Variants in LRIG2 observed in about 807,000 individuals in gnomAD.
LRIG2 encodes leucine rich repeats and immunoglobulin like domains 2, also known as leucine-rich repeats and immunoglobulin-like domains protein 2.
A neutral mutation model predicts 107.8 loss-of-function variants in LRIG2; 93 were observed. The observed-to-expected ratio is 0.86, with a 90% CI of 0.73 to 1.03. LRIG2 has a LOEUF of 1.03. Ranked by LOEUF, LRIG2 falls within the 50% of genes least tolerant of loss-of-function variation. The probability of loss-of-function intolerance (pLI) is 0.00; values close to 1 mark genes in which losing one functional copy is unlikely to be tolerated. For synonymous variants in LRIG2, 471 were observed against 470.6 expected, an observed-to-expected ratio of 1.00 and a Z score of -0.01; for missense variants, 1,226 against 1,296.0, an observed-to-expected ratio of 0.95 and a Z score of 0.83.
rs1654937168 is a variant in LRIG2 at position 113,114,850 on chromosome 1, A to G, written c.2504A>G (p.Asn835Ser). 6.2e-7 allele frequency: 1 copy of G among 1,611,848 alleles called. No individual in the cohort carries two copies. The highest frequency in any genetic ancestry group is 8.5e-7 in the Non-Finnish European group (1 of 1,179,758). The change falls in exon 15 of 18, where the codon AAT (asparagine) becomes AGT (serine). Residue 835 changes from asparagine (N) to serine (S), a missense_variant. Transcript: ENST00000361127. ...GTTATTTACCACATGAGAAGGAAAA[A>G]TGAAGACTATAGTATCACAAACACA... Reference protein sequence around the residue: ...VIVIYHMRRKNEDYSITNTEE... With the variant: ...VIVIYHMRRKSEDYSITNTEE...
At chr1:113,077,134 A>G (rs1014504774) in intron 1 of LRIG2, among the ~76,000 whole-genome samples, 2 of 151,548 alleles carry the variant, frequency 1.3e-5, no homozygotes, top group African/African-American at 4.8e-5. Context: ...TTCACTGTAG[A>G]CTGTTAAATT....
chr1:113,075,193 CAAGAGTGAAACTCTGTCTCAAAAAAAAA>C (rs1652917002), intron 1 of LRIG2, among the ~76,000 whole-genome samples: 1 of 148,136 alleles, frequency 6.8e-6, no homozygotes, highest in Non-Finnish European at 1.5e-5. Context: ...GCCTGGGCAA[CAAGAGTGAAACTCTGTCTCAAAAAAAAA>C]AAGAGTCATC....
Position 113,124,295 on chromosome 1 carries a change from G to T in LRIG2, c.*194G>T, listed in dbSNP as rs962152341. The T allele has an allele frequency of 1.8e-5, 11 of 600,658 alleles. No individual in the cohort carries two copies. The highest frequency in any genetic ancestry group is 3.2e-5 in the Non-Finnish European group (11 of 339,150). 37.2% of individuals were successfully genotyped at this position (600,658 alleles called of 1,614,324 possible). A position where few individuals can be genotyped will look rare whatever the true frequency, so the allele number is the denominator to read the frequency against. ...AGAAATGGCAACAGCTGACAGAAAT[G>T]GGTACAGCTCATCAAAAATGTGCAG... On this transcript the variant is annotated 3_prime_UTR_variant, in exon 18 of 18. Transcript: ENST00000361127.
At chr1:113,101,084 A>G (rs1654288867) in intron 11 of LRIG2, among the ~76,000 whole-genome samples, 1 of 151,926 alleles carries the variant, frequency 6.6e-6, no homozygotes, top group South Asian at 2.1e-4. Flanking sequence ...ATTTTTATAT[A>G]TTTTTGGAGA....
rs1655563049 is a variant in LRIG2 at position 113,128,218 on chromosome 1, CTTT to C, written c.*4120_*4122del. 1 of 152,078 alleles carries C rather than the reference CTTT, an allele frequency of 6.6e-6. No homozygotes were observed. Among genetic ancestry groups the C allele is most frequent in the Non-Finnish European group, 1.5e-5 (1 of 68,016 alleles). 9.4% of individuals were successfully genotyped at this position (152,078 alleles called of 1,614,324 possible). A position where few individuals can be genotyped will look rare whatever the true frequency, so the allele number is the denominator to read the frequency against. ...CTTGAGCTGTTTAGTACTGCCACAC[CTTT>C]TTATGTCTTTACTATGTCAGCCTCT... On this transcript the variant is annotated 3_prime_UTR_variant, in exon 18 of 18. Transcript: ENST00000361127.
rs375232838 is a variant in LRIG2 at position 113,078,381 on chromosome 1, G to A, written c.239+4736G>A. Among the ~76,000 whole-genome samples, 78 of 151,988 alleles carry A rather than the reference G, an allele frequency of 5.1e-4. No individual in the cohort carries two copies. The East Asian group carries it at 9.5e-3, about 18-fold the overall frequency. ...AGTCTCCCAAGTAGCTGGGATTACC[G>A]GTGCCCACCACCACGCCAGGCTAAT... On this transcript the variant is annotated intron_variant, in intron 1 of 17. Coordinates refer to ENST00000361127, the MANE Select transcript of LRIG2 (RefSeq NM_014813.3).
chr1:113,096,162 A>C (rs1654056201), intron 7 of LRIG2, 60 bp from the exon 8 acceptor site: 6 of 1,589,242 alleles, frequency 3.8e-6, no homozygotes, highest in Non-Finnish European at 5.1e-6. Context: ...AGATATAATA[A>C]GAATTGTAAG....
rs1654256699 is a variant in LRIG2, at chr1:113,100,428, A to G, written c.1253A>G (p.Asn418Ser). The change falls in exon 11 of 18, where the codon AAC becomes AGC. Residue 418 changes from asparagine (N) to serine (S), a missense_variant. By Grantham distance (46) the Asn-to-Ser change is conservative. Around this residue, in one of 3 missense-constraint regions of LRIG2, gnomAD observed 570 missense variants for 550.2 expected, o/e 1.04. Transcript: ENST00000361127. ...ATTTCTCTTTATTTCAGAGATTTGA[A>G]CAATAATGCTATAATGTCTATCCAA... ...GLESLEHLDL[N>S]NNAIMSIQEN... The G allele has an allele frequency of 3.9e-6, 6 of 1,531,034 alleles. No individual in the cohort carries two copies. The highest frequency in any genetic ancestry group is 5.4e-6 in the Non-Finnish European group (6 of 1,109,084). 94.8% of individuals were successfully genotyped at this position (1,531,034 alleles called of 1,614,324 possible).
chr1:113,086,734 G>A lies in LRIG2; in HGVS notation c.240-4584G>A, dbSNP rs563129877. On this transcript the variant is annotated intron_variant, in intron 1 of 17. Coordinates refer to ENST00000361127, the MANE Select transcript of LRIG2 (RefSeq NM_014813.3). The stretch of plus-strand genomic sequence containing the variant: ...CACCTCTGGCTCCACATGATATCAA[G>A]GACATTAATAATTCATCATTTATTA... Among the ~76,000 whole-genome samples, 6 of 152,234 alleles carry A rather than the reference G, an allele frequency of 3.9e-5. No individual in the cohort carries two copies. The East Asian group carries it at 7.7e-4, about 20-fold the overall frequency.
intron 13 of LRIG2, among the ~76,000 whole-genome samples, chr1:113,110,856 A>T (rs1654745382): frequency 1.3e-5 from 2 of 152,186 alleles, no homozygotes; most frequent in Admixed American, 1.3e-4. Context: ...CTCAGTTTTC[A>T]TTCCAGAACC....
rs1003415087 is a variant in LRIG2, at chr1:113,124,660, A to AT, written c.*570dup. The AT allele has an allele frequency of 5.5e-4, 81 of 148,204 alleles. No individual in the cohort carries two copies. Among genetic ancestry groups the AT allele is most frequent in the Admixed American group, 1.2e-3 (18 of 14,730 alleles). The allele number at this position is 148,204 out of a possible 1,614,324, so 9.2% of individuals were successfully genotyped here. ...GTCAAAGATTTTTGTATTCTTGTGA[A>AT]TTTTTTTTTTTGTCCCTATTGCCCA... On this transcript the variant is annotated 3_prime_UTR_variant, in exon 18 of 18. Transcript: ENST00000361127.
intron 1 of LRIG2, among the ~76,000 whole-genome samples, chr1:113,077,640 T>G (rs1429827569): frequency 6.6e-6 from 1 of 152,210 alleles, no homozygotes; most frequent in African/African-American, 2.4e-5. Flanking sequence ...GGACATAAGC[T>G]TATGTTGAAT....
chr1:113,073,205 A>G lies in LRIG2; in HGVS notation c.-202A>G. 1.7e-6 allele frequency: 1 copy of G among 580,642 alleles called. No individual in the cohort carries two copies. The highest frequency in any genetic ancestry group is 2.2e-5 in the South Asian group (1 of 46,472). 36.0% of individuals were successfully genotyped at this position (580,642 alleles called of 1,614,324 possible). A position where few individuals can be genotyped will look rare whatever the true frequency, so the allele number is the denominator to read the frequency against. ...TGCGCCGTGGGGAGGGGCGGACGAG[A>G]GGTGTCCGTCAGGCCGTGTGTCCCA... On this transcript the variant is annotated 5_prime_UTR_variant, in exon 1 of 18. Transcript: ENST00000361127.
rs1188089323 is a variant in LRIG2 at position 113,128,031 on chromosome 1, TACTC to T, written c.*3934_*3937del. On this transcript the variant is annotated 3_prime_UTR_variant, in exon 18 of 18. Coordinates refer to ENST00000361127, the MANE Select transcript of LRIG2 (RefSeq NM_014813.3). ...CAGTTCTCTCTTCTAAATCCAATATTACTCACTAGATAATTTCAGCCACTTAAAT... is the reference window on the plus strand; with the variant it reads ...CAGTTCTCTCTTCTAAATCCAATATTACTAGATAATTTCAGCCACTTAAAT... The T allele has an allele frequency of 1.3e-5, 2 of 152,220 alleles. No individual in the cohort carries two copies. The highest frequency in any genetic ancestry group is 2.9e-5 in the Non-Finnish European group (2 of 68,044). The allele number at this position is 152,220 out of a possible 1,614,324, so 9.4% of individuals were successfully genotyped here.
At position 113,123,993 on chromosome 1, in the gene LRIG2, G is replaced by A. The variant is rs141248872; in HGVS notation, c.3090G>A (p.Gly1030=). The A allele has an allele frequency of 1.2e-6, 2 of 1,614,102 alleles. No homozygotes were observed. The highest frequency in any genetic ancestry group is 1.1e-5 in the South Asian group (1 of 91,068). ...TTCATCAAAATGAGGGCCTGGCAGGGAGAGAGCCAGACTGTTCTGCTTCTT... is the reference window on the plus strand; with the variant it reads ...TTCATCAAAATGAGGGCCTGGCAGGAAGAGAGCCAGACTGTTCTGCTTCTT... The part of the protein sequence containing the change: ...PQLHQNEGLA[G]REPDCSASSM... The change falls in exon 18 of 18, where the codon GGG becomes GGA. Residue 1030 remains glycine (G), a synonymous_variant. Coordinates refer to ENST00000361127, the MANE Select transcript of LRIG2 (RefSeq NM_014813.3).
At chr1:113,116,211 A>G in intron 15 of LRIG2, 76 bp from the exon 16 acceptor site, 1 of 1,321,328 alleles carries the variant, frequency 7.6e-7, no homozygotes, top group East Asian at 2.4e-5. Flanking sequence ...TCAAAGTGGA[A>G]CACATTTGCA....
chr1:113,112,629 G>A lies in LRIG2; in HGVS notation c.1949G>A (p.Arg650His), dbSNP rs367703118. 9 of 1,614,026 alleles carry A rather than the reference G, an allele frequency of 5.6e-6. No homozygotes were observed. Among genetic ancestry groups the A allele is most frequent in the African/African-American group, 2.7e-5 (2 of 74,916 alleles). The change falls in exon 14 of 18, where the codon CGC becomes CAC. Residue 650 changes from arginine (R) to histidine (H), a missense_variant. By Grantham distance (29) the Arg-to-His change is conservative. Coordinates refer to ENST00000361127, the MANE Select transcript of LRIG2 (RefSeq NM_014813.3). ...GACTTTCCTGCGGCTCGAGAAAGAC[G>A]CATGCACGTCATGCCCGAGGATGAC... ...GTDFPAARER[R>H]MHVMPEDDVF...
intron 1 of LRIG2, among the ~76,000 whole-genome samples, chr1:113,083,997 TATAATAATAATAATA>T (rs55895711): frequency 6.0e-4 from 76 of 125,698 alleles, no homozygotes; most frequent in African/African-American, 1.2e-3. Context: ...GAACTTAAAG[TATAATAATAATAATA>T]ATAATAATAA....
At chr1:113,082,386 A>T (rs963593780) in intron 1 of LRIG2, among the ~76,000 whole-genome samples, 8 of 152,228 alleles carry the variant, frequency 5.3e-5, no homozygotes, top group African/African-American at 9.6e-5. Context: ...ACCCTGGTGT[A>T]TTAGTCTCTT....
Sources: allele counts gnomAD v4.1 joint callset (sites outside exome capture counted in the v4.1 genomes callset), GRCh38; gene constraint gnomAD v4.1.1; regional missense constraint gnomAD v4.1.1; transcripts MANE v1.5; gene names NCBI Gene and HGNC (gene_info 2026-07-23, HGNC 2026-07-21).